Variants in CALN1 observed in about 807,000 individuals in gnomAD.
CALN1 encodes the protein calneuron 1, also known as calcium-binding protein 8.
Under a neutral mutation model 30.6 loss-of-function variants are expected in CALN1, and 17 were observed. The observed-to-expected ratio is 0.56, with a 90% CI of 0.38 to 0.83. The LOEUF is 0.83. Ranked by LOEUF, CALN1 falls within the 40% of genes least tolerant of loss-of-function variation. The probability of loss-of-function intolerance (pLI) is 0.00; values close to 1 mark genes in which losing one functional copy is unlikely to be tolerated. For synonymous variants in CALN1, 156 were observed against 131.4 expected, an observed-to-expected ratio of 1.19 and a Z score of -1.28; for missense variants, 291 against 354.9, an observed-to-expected ratio of 0.82 and a Z score of 1.45.
chr7:72,292,800 A>T (rs6974673), intron 2 of CALN1, among the ~76,000 whole-genome samples: 1 of 138,010 alleles, frequency 7.2e-6, no homozygotes, highest in Non-Finnish European at 1.5e-5. Flanking sequence ...CAGCTTGGGC[A>T]ACAGAACAAT....
Position 72,401,670 on chromosome 7 carries a change from G to A in CALN1, c.119+1581C>T, listed in dbSNP as rs548187588. 2.0e-5 allele frequency among the ~76,000 whole-genome samples: 3 copies of A among 152,236 alleles called. No individual in the cohort carries two copies. The East Asian group carries it at 5.8e-4, about 29-fold the overall frequency. On this transcript the variant is annotated intron_variant, in intron 2 of 6. Coordinates refer to ENST00000395275, the MANE Select transcript of CALN1 (RefSeq NM_031468.4). The stretch of plus-strand genomic sequence containing the variant: ...CTCAACTGCCTAATTCACGCTGCTC[G>A]CAACTCTTGCCAAAAAATTCCAAAT...
At chr7:72,406,156 C>T (rs1473421093) in intron 1 of CALN1, among the ~76,000 whole-genome samples, 1 of 152,178 alleles carries the variant, frequency 6.6e-6, no homozygotes, top group Non-Finnish European at 1.5e-5. Context: ...AGCCAGAAGC[C>T]GTCTCTCCAG....
intron 5 of CALN1, among the ~76,000 whole-genome samples, chr7:71,812,057 T>C (rs1021526576): frequency 6.6e-6 from 1 of 152,158 alleles, no homozygotes; most frequent in African/African-American, 2.4e-5. Context: ...TTATGAATCA[T>C]TGTGTGGTTC....
At chr7:72,166,337 G>C (rs1204632547) in intron 3 of CALN1, among the ~76,000 whole-genome samples, 1 of 152,068 alleles carries the variant, frequency 6.6e-6, no homozygotes, top group Non-Finnish European at 1.5e-5. Flanking sequence ...GAGTATCTGG[G>C]ACTACAAGTA....
chr7:72,237,133 T>G (rs1794525426), intron 3 of CALN1, among the ~76,000 whole-genome samples: 1 of 152,024 alleles, frequency 6.6e-6, no homozygotes, highest in Non-Finnish European at 1.5e-5. Context: ...TACAGGCATG[T>G]GCCACCACAC....
the CALN1 span, among the ~76,000 whole-genome samples, chr7:72,479,552 A>ATTTT: frequency 1.0e-3 from 132 of 130,752 alleles, no homozygotes; most frequent in African/African-American, 3.0e-3. Context: ...TTATAGCACA[A>ATTTT]TTTTTTTTTT....
chr7:72,185,048 T>A (rs543000429), intron 3 of CALN1, among the ~76,000 whole-genome samples: 2 of 152,208 alleles, frequency 1.3e-5, no homozygotes, highest in Admixed American at 6.5e-5. Context: ...CAAGCGATCA[T>A]CCCACCTTGG....
intron 3 of CALN1, among the ~76,000 whole-genome samples, chr7:72,159,930 AC>A (rs1787980723): frequency 6.6e-6 from 1 of 152,276 alleles, no homozygotes; most frequent in African/African-American, 2.4e-5. Context: ...AGCCCAACAG[AC>A]AGACCATTAA....
chr7:72,025,773 C>T (rs562549350), intron 4 of CALN1, among the ~76,000 whole-genome samples: 2 of 152,190 alleles, frequency 1.3e-5, no homozygotes, highest in Non-Finnish European at 2.9e-5. Flanking sequence ...AATGCCCACA[C>T]ATAAATCAAT....
At chr7:72,044,634 CAG>C (rs1477754285) in intron 4 of CALN1, among the ~76,000 whole-genome samples, 25 of 111,294 alleles carry the variant, frequency 2.2e-4, no homozygotes, top group African/African-American at 9.1e-4. Flanking sequence ...TTTTTTGAGG[CAG>C]AGTGTTGCTC....
intron 2 of CALN1, among the ~76,000 whole-genome samples, chr7:72,354,382 A>G (rs1394990507): frequency 2.0e-5 from 3 of 152,222 alleles, no homozygotes; most frequent in Non-Finnish European, 4.4e-5. Flanking sequence ...AATTCTCTCC[A>G]AATTGATCTA....
In CALN1 at chr7:71,803,672, G is replaced by T. The variant is rs150906225; in HGVS notation, c.658+6664C>A. 5.5e-3 allele frequency among the ~76,000 whole-genome samples: 836 copies of T among 151,948 alleles called. 4 individuals are homozygous for T. The highest frequency in any genetic ancestry group is 0.019 in the African/African-American group (792 of 41,480). ...GTATTTTTAGTAGAGACAGGGTTTCGCCATGTTGGCCAGGCTGGTCTCGAA... is the reference window on the plus strand; with the variant it reads ...GTATTTTTAGTAGAGACAGGGTTTCTCCATGTTGGCCAGGCTGGTCTCGAA... On this transcript the variant is annotated intron_variant, in intron 6 of 6. Coordinates refer to ENST00000395275, the MANE Select transcript of CALN1 (RefSeq NM_031468.4).
At chr7:71,958,094 A>T (rs1010845910) in intron 5 of CALN1, among the ~76,000 whole-genome samples, 1 of 150,310 alleles carries the variant, frequency 6.7e-6, no homozygotes, top group African/African-American at 2.5e-5. Context: ...GAAAGAAAGA[A>T]AAAAAAAGAA....
rs1450950498 is a variant in CALN1, at chr7:72,018,234, G to A, written c.501+5423C>T. ...TACAAGTAGGCACATGATGTGTGGC[G>A]TAAATAAATGGTGGAAAAGCAGGGA... On this transcript the variant is annotated intron_variant, in intron 5 of 6. Coordinates refer to ENST00000395275, the MANE Select transcript of CALN1 (RefSeq NM_031468.4). Among the ~76,000 whole-genome samples the A allele has an allele frequency of 8.5e-5, 13 of 152,184 alleles. No homozygotes were observed. The South Asian group carries it at 2.1e-3, about 24-fold the overall frequency.
intron 3 of CALN1, among the ~76,000 whole-genome samples, chr7:72,138,622 A>G (rs898009575): frequency 6.6e-6 from 1 of 152,244 alleles, no homozygotes; most frequent in African/African-American, 2.4e-5. Flanking sequence ...GAGTTAGCTA[A>G]TCTTCAAAGA....
chr7:72,430,748 T>G (rs1398924168), intron 1 of CALN1, among the ~76,000 whole-genome samples: 1 of 152,168 alleles, frequency 6.6e-6, no homozygotes, highest in Non-Finnish European at 1.5e-5. Flanking sequence ...CATGGTATCC[T>G]GTTCCGGAAG....
intron 3 of CALN1, among the ~76,000 whole-genome samples, chr7:72,147,440 G>A (rs1184033011): frequency 2.0e-5 from 3 of 147,694 alleles, no homozygotes; most frequent in Admixed American, 6.7e-5. Context: ...CAGTTAGAAT[G>A]GTGATCATTA....
At chr7:71,883,095 T>C (rs1792681276) in intron 5 of CALN1, among the ~76,000 whole-genome samples, 1 of 151,582 alleles carries the variant, frequency 6.6e-6, no homozygotes, top group Non-Finnish European at 1.5e-5. Context: ...TCACATGAAA[T>C]ACTATGAGGA....
chr7:72,076,303 A>T (rs1584891243), intron 4 of CALN1, among the ~76,000 whole-genome samples: 2 of 145,602 alleles, frequency 1.4e-5, no homozygotes, highest in South Asian at 2.2e-4. Context: ...ATTAAAAATT[A>T]AAAAAAAAAA....
Sources: allele counts gnomAD v4.1 joint callset (sites outside exome capture counted in the v4.1 genomes callset), GRCh38; gene constraint gnomAD v4.1.1; transcripts MANE v1.5; gene names NCBI Gene and HGNC (gene_info 2026-07-23, HGNC 2026-07-21).